Variants in NTM observed in about 807,000 individuals in gnomAD.
The protein encoded by NTM is neurotrimin.
NTM carries 13 observed loss-of-function variants against 42.1 expected under a neutral mutation model. The observed-to-expected ratio is 0.31, with a 90% confidence interval of 0.20 to 0.49. The LOEUF is 0.49. Among genes scored for constraint, NTM ranks in the 20% least tolerant of loss-of-function variants. The pLI is 0.99. For synonymous variants in NTM, 187 were observed against 179.2 expected (o/e 1.04, Z -0.35); for missense variants, 373 against 452.8 (o/e 0.82, Z 1.60).
chr11:131,438,142 G>A (rs950120253), intron 1 of NTM, among the ~76,000 whole-genome samples: 4 of 152,170 alleles, frequency 2.6e-5, no homozygotes, highest in African/African-American at 7.2e-5. Context: ...AGTTTCTGCC[G>A]AGGGATCCTC....
At chr11:132,141,716 G>T (rs914005119) in intron 2 of NTM, among the ~76,000 whole-genome samples, 1 of 152,222 alleles carries the variant, frequency 6.6e-6, no homozygotes, top group Non-Finnish European at 1.5e-5. Flanking sequence ...GGAACATGGT[G>T]CAGACAGACA....
chr11:132,174,232 A>G (rs535642347), intron 3 of NTM, among the ~76,000 whole-genome samples: 1 of 152,336 alleles, frequency 6.6e-6, no homozygotes, highest in East Asian at 1.9e-4. Context: ...GGGCAAACTT[A>G]TACAGGACAC....
chr11:131,436,269 C>A (rs1025870904), intron 1 of NTM, among the ~76,000 whole-genome samples: 1 of 152,112 alleles, frequency 6.6e-6, no homozygotes, highest in Admixed American at 6.5e-5. Flanking sequence ...TGCGTCTCTG[C>A]CAGGCTTTGC....
At chr11:131,478,839 G>A (rs547205959) in intron 1 of NTM, among the ~76,000 whole-genome samples, 42 of 152,370 alleles carry the variant, frequency 2.8e-4, no homozygotes, top group Admixed American at 1.5e-3. Flanking sequence ...TGTGAAAGCA[G>A]CAAAGTGCTT....
At chr11:131,941,578 T>A (rs2059796210) in intron 2 of NTM, among the ~76,000 whole-genome samples, 1 of 152,208 alleles carries the variant, frequency 6.6e-6, no homozygotes, top group Non-Finnish European at 1.5e-5. Context: ...ATGTCTTTGA[T>A]CTCTGTATCT....
chr11:131,945,019 T>C (rs1201674927), intron 2 of NTM, among the ~76,000 whole-genome samples: 4 of 152,204 alleles, frequency 2.6e-5, no homozygotes. Context: ...CTAAACACAG[T>C]CCCATTGGTG....
intron 2 of NTM, among the ~76,000 whole-genome samples, chr11:131,982,247 T>C (rs2065363585): frequency 6.6e-6 from 1 of 152,090 alleles, no homozygotes. Context: ...TTTGTTTGTT[T>C]TGTGCACAGG....
At chr11:132,316,738 A>C (rs914962333) in intron 7 of NTM, among the ~76,000 whole-genome samples, 1 of 152,184 alleles carries the variant, frequency 6.6e-6, no homozygotes, top group East Asian at 1.9e-4. Context: ...TGGAGCTCGC[A>C]AACCCCATTC....
intron 1 of NTM, among the ~76,000 whole-genome samples, chr11:131,494,310 G>A (rs1955110492): frequency 1.3e-5 from 2 of 152,140 alleles, no homozygotes; most frequent in African/African-American, 2.4e-5. Flanking sequence ...ATCAGGTTGT[G>A]GGAGGAGAGG....
At chr11:131,514,629 G>A (rs2048665031) in intron 1 of NTM, among the ~76,000 whole-genome samples, 1 of 151,848 alleles carries the variant, frequency 6.6e-6, no homozygotes, top group South Asian at 2.1e-4. Context: ...TCCCAGGCTG[G>A]AGTGCAGTGA....
intron 3 of NTM, among the ~76,000 whole-genome samples, chr11:132,165,184 A>G (rs2075074351): frequency 6.6e-6 from 1 of 152,202 alleles, no homozygotes; most frequent in South Asian, 2.1e-4. Flanking sequence ...GGCACAATGT[A>G]TTCAAAATTA....
At chr11:131,508,185 C>A (rs375092375) in intron 1 of NTM, among the ~76,000 whole-genome samples, 5,725 of 133,102 alleles carry the variant, frequency 0.043, 403 homozygotes, top group African/African-American at 0.14. Context: ...AAACAAATTT[C>A]CAAGAAAAAA....
chr11:131,986,693 A>G (rs980089790), intron 2 of NTM, among the ~76,000 whole-genome samples: 1 of 152,110 alleles, frequency 6.6e-6, no homozygotes, highest in African/African-American at 2.4e-5. Context: ...TTTGGTTTGT[A>G]TTTGCCTTCC....
intron 2 of NTM, among the ~76,000 whole-genome samples, chr11:132,114,483 T>C (rs2063618840): frequency 6.6e-6 from 1 of 152,202 alleles, no homozygotes; most frequent in Non-Finnish European, 1.5e-5. Context: ...ACAGTAATTA[T>C]ATCAGTCTCA....
intron 1 of NTM, among the ~76,000 whole-genome samples, chr11:131,797,335 A>AG (rs1283834460): frequency 9.9e-5 from 15 of 152,262 alleles, no homozygotes; most frequent in Admixed American, 7.2e-4. Context: ...GGACTCTGTA[A>AG]GGGGGGGCAG....
intron 2 of NTM, among the ~76,000 whole-genome samples, chr11:131,948,939 A>G (rs2060677524): frequency 6.6e-6 from 1 of 152,204 alleles, no homozygotes; most frequent in Non-Finnish European, 1.5e-5. Flanking sequence ...TGTAGAGTGT[A>G]TCTTGCATAA....
At chr11:132,251,315 G>A (rs1423965757) in intron 4 of NTM, among the ~76,000 whole-genome samples, 1 of 152,188 alleles carries the variant, frequency 6.6e-6, no homozygotes, top group Admixed American at 6.5e-5. Flanking sequence ...CTCAGGTCAG[G>A]AACCAGCTGT....
chr11:131,913,617 C>T (rs2055711871), intron 2 of NTM, among the ~76,000 whole-genome samples: 1 of 152,062 alleles, frequency 6.6e-6, no homozygotes, highest in South Asian at 2.1e-4. Flanking sequence ...TTTTCTCATT[C>T]TGCCGGTCCC....
At chr11:131,426,645 G>A (rs1157553392) in intron 1 of NTM, among the ~76,000 whole-genome samples, 3 of 152,112 alleles carry the variant, frequency 2.0e-5, no homozygotes, top group Admixed American at 6.5e-5. Context: ...GGACCCAAAG[G>A]CCAGAGACCC....
Sources: gnomAD v4.1 joint callset for allele counts (sites outside exome capture counted in the v4.1 genomes callset) on GRCh38, gnomAD v4.1.1 for gene constraint, MANE v1.5 for transcripts, NCBI Gene and HGNC (gene_info 2026-07-23, HGNC 2026-07-21) for gene names.